The following ZNF710 variants were observed in gnomAD, a reference collection of about 807,000 sequenced individuals.
ZNF710 encodes the protein zinc finger protein 710.
Under a neutral mutation model 50.6 loss-of-function variants are expected in ZNF710, and 13 were observed. That is an observed-to-expected ratio of 0.26 (90% CI 0.17 to 0.41). The LOEUF (loss-of-function observed/expected upper bound fraction) is 0.41, where lower values mean the gene tolerates loss of function less well. Among genes scored for constraint, ZNF710 ranks in the 10% least tolerant of loss-of-function variants. ZNF710 has a pLI of 1.00. For synonymous variants in ZNF710, 383 were observed against 397.0 expected, an observed-to-expected ratio of 0.96 and a Z score of 0.42; for missense variants, 721 against 936.6, an observed-to-expected ratio of 0.77 and a Z score of 3.01.
At chr15:90,035,708 G>A (rs976603196) in intron 1 of ZNF710, among the ~76,000 whole-genome samples, 3 of 152,218 alleles carry the variant, frequency 2.0e-5, no homozygotes, top group Non-Finnish European at 4.4e-5. Context: ...AGCAAACAGC[G>A]ATCAGCAGCG....
intron 1 of ZNF710, among the ~76,000 whole-genome samples, chr15:90,032,530 C>T (rs1898979601): frequency 6.6e-6 from 1 of 151,898 alleles, no homozygotes; most frequent in Non-Finnish European, 1.5e-5. Context: ...GCAATCACAG[C>T]ACTTTGGGAG....
At chr15:90,042,745 C>T (rs1294602784) in intron 1 of ZNF710, among the ~76,000 whole-genome samples, 1 of 152,202 alleles carries the variant, frequency 6.6e-6, no homozygotes, top group Non-Finnish European at 1.5e-5. Context: ...GGTCACTAGA[C>T]TGAGGGCTGT....
Position 90,073,058 on chromosome 15 carries a change from C to T in ZNF710, c.1459-13C>T, listed in dbSNP as rs752367595. The T allele has an allele frequency of 3.1e-6, 5 of 1,610,264 alleles. No homozygotes were observed. The Admixed American group carries it at 8.3e-5, about 27-fold the overall frequency. On this transcript the variant is annotated splice_polypyrimidine_tract_variant and intron_variant, in intron 2 of 4. Coordinates refer to ENST00000268154, the MANE Select transcript of ZNF710 (RefSeq NM_198526.4). ...CCATTGTGTGGCCCTGACCATCACC[C>T]CCCACCCCACAGGGCGTGAAGGAGT...
rs536933525 is a variant in ZNF710 at position 90,032,060 on chromosome 15, G to A, written c.-29+30446G>A. Among the ~76,000 whole-genome samples the A allele has an allele frequency of 3.9e-5, 6 of 152,264 alleles. No homozygotes were observed. In the South Asian group the frequency reaches 6.2e-4, roughly 16 times the overall value. On this transcript the variant is annotated intron_variant, in intron 1 of 4. Transcript: ENST00000268154. ...CGCCCAGGCTGGAGTGCAGTGGCGC[G>A]ATCTCAGCTCACTGCAACCTCTGGC...
intron 4 of ZNF710, 98 bp from the exon 5 acceptor site, chr15:90,079,562 A>G: frequency 6.8e-7 from 1 of 1,464,486 alleles, no homozygotes. Context: ...CGTGACTGGG[A>G]AGCCCTCTCT....
At position 90,079,820 on chromosome 15, in the gene ZNF710, T is replaced by C. The variant is rs2970357; in HGVS notation, c.1986T>C (p.Asn662=). Residue 662 remains asparagine (N), a synonymous_variant, in exon 5 of 5, where the codon AAT becomes AAC. Transcript: ENST00000268154. ...EQAMKEMAYY[N]VL ...CCATGAAAGAGATGGCCTACTACAA[T>C]GTGCTATAGCGCAAGCTGGGCCACC... 782,538 of 1,600,090 alleles carry C rather than the reference T, an allele frequency of 0.49. 199,182 individuals carry two copies. Among genetic ancestry groups the C allele is most frequent in the East Asian group, 0.83 (36,796 of 44,230 alleles).
At chr15:90,045,428 A>T in intron 1 of ZNF710, 11 of 983,972 alleles carry the variant, frequency 1.1e-5, no homozygotes, top group Non-Finnish European at 1.3e-5. Context: ...GACCTGGGTA[A>T]GGGTGCAGCT....
intron 1 of ZNF710, among the ~76,000 whole-genome samples, chr15:90,004,718 G>A (rs1389455008): frequency 1.3e-5 from 2 of 152,208 alleles, no homozygotes; most frequent in Non-Finnish European, 2.9e-5. Context: ...TTTCTACAAG[G>A]CCACTGTCTC....
intron 1 of ZNF710, among the ~76,000 whole-genome samples, chr15:90,017,565 G>A (rs866142264): frequency 5.9e-5 from 9 of 151,748 alleles, no homozygotes; most frequent in African/African-American, 1.5e-4. Flanking sequence ...GGAAGTTTTC[G>A]GGATCTGTGG....
intron 1 of ZNF710, among the ~76,000 whole-genome samples, chr15:90,039,276 CAAA>C (rs765692817): frequency 7.9e-6 from 1 of 127,356 alleles, no homozygotes; most frequent in Non-Finnish European, 1.7e-5. Context: ...GAGACTGTCT[CAAA>C]AAAAAAAAAA....
chr15:90,038,374 T>C (rs1229475425), intron 1 of ZNF710, among the ~76,000 whole-genome samples: 1 of 152,230 alleles, frequency 6.6e-6, no homozygotes, highest in African/African-American at 2.4e-5. Context: ...GATTCACTCA[T>C]TGTTGCCATT....
upstream of ZNF710, among the ~76,000 whole-genome samples, chr15:89,999,672 G>T (rs1439277908): frequency 6.6e-6 from 1 of 152,094 alleles, no homozygotes; most frequent in Non-Finnish European, 1.5e-5. Context: ...AGGGTGGGGC[G>T]AGGGGCCGTG....
intron 1 of ZNF710, among the ~76,000 whole-genome samples, chr15:90,008,776 AAAAAG>A (rs570104857): frequency 7.2e-5 from 11 of 152,114 alleles, no homozygotes; most frequent in Non-Finnish European, 1.5e-4. Context: ...TCTCAAAAAA[AAAAAG>A]AAAAGAAGTG....
At position 90,068,925 on chromosome 15, in the gene ZNF710, G is replaced by A. The variant is rs561883641; in HGVS notation, c.1458+330G>A. Among the ~76,000 whole-genome samples the A allele has an allele frequency of 4.0e-4, 61 of 151,266 alleles. No homozygotes were observed. Among genetic ancestry groups the A allele is most frequent in the African/African-American group, 1.3e-3 (55 of 41,222 alleles). ...CTGGGCAAAATAATGAGACCCCATC[G>A]CTACAAAAAAATTTAAACATGGCTA... On this transcript the variant is annotated intron_variant, in intron 2 of 4. Transcript: ENST00000268154. This position sits in a 1 kb window ranked among gnomAD's most constrained non-coding sequence, Gnocchi z 5.0.
chr15:90,015,884 C>T (rs888146033), intron 1 of ZNF710, among the ~76,000 whole-genome samples: 1 of 152,220 alleles, frequency 6.6e-6, no homozygotes, highest in African/African-American at 2.4e-5. Flanking sequence ...GTTGGGATTA[C>T]AGGCGTGAGT....
chr15:90,031,041 A>AAAAAAAG lies in ZNF710; in HGVS notation c.-29+29427_-29+29428insAAAAAAG, dbSNP rs1898934020. Among the ~76,000 whole-genome samples the AAAAAAAG allele has an allele frequency of 2.0e-5, 3 of 150,428 alleles. 1 individual carries two copies. Among genetic ancestry groups the AAAAAAAG allele is most frequent in the African/African-American group, 7.4e-5 (3 of 40,792 alleles). ...CTCAAAAAAAAAGAAAAAAAAAAAA[A>AAAAAAAG]TGCTTAATGGATTGTTTGGTAACAA... On this transcript the variant is annotated intron_variant, in intron 1 of 4. Coordinates refer to ENST00000268154, the MANE Select transcript of ZNF710 (RefSeq NM_198526.4).
intron 1 of ZNF710, among the ~76,000 whole-genome samples, chr15:90,017,045 G>GT (rs1318430439): frequency 6.6e-6 from 1 of 152,234 alleles, no homozygotes; most frequent in Non-Finnish European, 1.5e-5. Flanking sequence ...CCTCAGGTAG[G>GT]TGCCAGCTGC....
At chr15:90,001,090 A>G (rs574270577), upstream of ZNF710, among the ~76,000 whole-genome samples, 2 of 152,344 alleles carry the variant, frequency 1.3e-5, no homozygotes, top group African/African-American at 4.8e-5. Context: ...TAGAGAAATA[A>G]GAAAGGAGGA....
chr15:90,021,457 A>G (rs1158963178), intron 1 of ZNF710, among the ~76,000 whole-genome samples: 1 of 152,154 alleles, frequency 6.6e-6, no homozygotes, highest in African/African-American at 2.4e-5. Flanking sequence ...CATGGCTATC[A>G]CTATTACCTG....
Sources: gnomAD v4.1 joint callset for allele counts (sites outside exome capture counted in the v4.1 genomes callset) on GRCh38, gnomAD v4.1.1 for gene constraint, Gnocchi (gnomAD v3.1) non-coding constraint, MANE v1.5 for transcripts, NCBI Gene and HGNC (gene_info 2026-07-23, HGNC 2026-07-21) for gene names.